Variants in NUCB1 observed in about 807,000 individuals in gnomAD.
The protein encoded by NUCB1 is nucleobindin 1.
Under a neutral mutation model 61.2 loss-of-function variants are expected in NUCB1, and 47 were observed. The ratio of observed to expected loss-of-function variants is 0.77; its 90% CI spans 0.61 to 0.98. The LOEUF (loss-of-function observed/expected upper bound fraction) is 0.98, where lower values mean the gene tolerates loss of function less well. Among genes scored for constraint, NUCB1 ranks in the 50% least tolerant of loss-of-function variants. The pLI is 0.00. For missense variants in NUCB1, 583 were observed against 605.3 expected, an observed-to-expected ratio of 0.96 and a Z score of 0.39; for synonymous variants, 234 against 243.1, an observed-to-expected ratio of 0.96 and a Z score of 0.35.
rs1207488410 is a variant in NUCB1, at chr19:48,910,968, T to G, written c.377-181T>G. On this transcript the variant is annotated intron_variant, in intron 4 of 12. Coordinates refer to ENST00000405315, the MANE Select transcript of NUCB1 (RefSeq NM_006184.6). ...TTAGTTTTTATTATGGTTATTATTGTAAGCATCAGACTCAGTCGTGGGATC... is the reference window on the plus strand; with the variant it reads ...TTAGTTTTTATTATGGTTATTATTGGAAGCATCAGACTCAGTCGTGGGATC... 4 of 552,864 alleles carry G rather than the reference T, an allele frequency of 7.2e-6. No homozygotes were observed. The African/African-American group carries it at 7.6e-5, about 11-fold the overall frequency. The allele number at this position is 552,864 out of a possible 1,614,324, so 34.2% of individuals were successfully genotyped here.
chr19:48,922,246 C>A, intron 12 of NUCB1, 72 bp from the exon 13 acceptor site: 1 of 1,272,266 alleles, frequency 7.9e-7, no homozygotes, highest in South Asian at 1.2e-5. Context: ...GGAGGAGGGG[C>A]TGGGCCTCTG....
At chr19:48,910,488 C>G (rs1374213060) in intron 4 of NUCB1, among the ~76,000 whole-genome samples, 2 of 151,690 alleles carry the variant, frequency 1.3e-5, no homozygotes, top group Non-Finnish European at 2.9e-5. Flanking sequence ...GAGTTCAAGA[C>G]CAGCCTGGCC....
At position 48,910,067 on chromosome 19, in the gene NUCB1, A is replaced by G. The variant is rs546879530; in HGVS notation, c.377-1082A>G. Reference sequence around the variant, plus strand: ...ATTTTGATGTTTTTCTTTTGTTTGTATGTATGTATTTATTTTATTTATTTA... The same window carrying G: ...ATTTTGATGTTTTTCTTTTGTTTGTGTGTATGTATTTATTTTATTTATTTA... On this transcript the variant is annotated intron_variant, in intron 4 of 12. Coordinates refer to ENST00000405315, the MANE Select transcript of NUCB1 (RefSeq NM_006184.6). 3.3e-5 allele frequency among the ~76,000 whole-genome samples: 5 copies of G among 151,926 alleles called. No individual in the cohort carries two copies. In the East Asian group the frequency reaches 7.8e-4, roughly 24 times the overall value.
intron 4 of NUCB1, among the ~76,000 whole-genome samples, chr19:48,908,695 G>GTGTGTGTGTC (rs1269071160): frequency 1.4e-5 from 2 of 138,398 alleles, no homozygotes; most frequent in African/African-American, 5.3e-5. Context: ...GTGTGTGTGT[G>GTGTGTGTGTC]TGTCTTTCTG....
Position 48,904,971 on chromosome 19 carries a change from G to A in NUCB1, c.243+517G>A, listed in dbSNP as rs560581591. Among the ~76,000 whole-genome samples the A allele has an allele frequency of 2.2e-4, 32 of 144,272 alleles. 1 individual carries two copies. The highest frequency in any genetic ancestry group is 1.8e-3 in the Admixed American group (26 of 14,690). 94.6% of individuals were successfully genotyped at this position (144,272 alleles called of 152,430 possible). A position where few individuals can be genotyped will look rare whatever the true frequency, so the allele number is the denominator to read the frequency against. On this transcript the variant is annotated intron_variant, in intron 3 of 12. Transcript: ENST00000405315. ...GAATACGTGTTTAGTGCAGAGTCCC[G>A]TGGGCAGGCTTTCAGTCGCAGCTCC...
In NUCB1 at chr19:48,918,793, C is replaced by T; in HGVS notation, c.816+9C>T. On this transcript the variant is annotated intron_variant, in intron 8 of 12. Transcript: ENST00000405315. Reference sequence around the variant, plus strand: ...CACTCTTCACCAAGGAGGTGAGCATCTTGGAAGCCTCGGGCACCTGGAGGG... The same window carrying T: ...CACTCTTCACCAAGGAGGTGAGCATTTTGGAAGCCTCGGGCACCTGGAGGG... The T allele has an allele frequency of 6.2e-7, 1 of 1,613,294 alleles. No homozygotes were observed. The highest frequency in any genetic ancestry group is 8.5e-7 in the Non-Finnish European group (1 of 1,179,268).
intron 4 of NUCB1, among the ~76,000 whole-genome samples, 162 bp downstream of exon 4, chr19:48,906,047 A>G (rs1263436671): frequency 6.6e-6 from 1 of 152,192 alleles, no homozygotes; most frequent in Non-Finnish European, 1.5e-5. Context: ...TCCTCCCAGC[A>G]TGATTTAATA....
intron 12 of NUCB1, 126 bp from the exon 13 acceptor site, chr19:48,922,192 G>A (rs2037618458): frequency 5.1e-6 from 4 of 785,878 alleles, no homozygotes; most frequent in Non-Finnish European, 8.5e-6. Context: ...TGGACCCCTG[G>A]GTGTGAGGGA....
chr19:48,907,106 C>G (rs2037420622), intron 4 of NUCB1, among the ~76,000 whole-genome samples: 1 of 151,498 alleles, frequency 6.6e-6, no homozygotes, highest in Non-Finnish European at 1.5e-5. Flanking sequence ...TCCCAAGTAG[C>G]TGGGACTACA....
rs144543972 is a variant in NUCB1, at chr19:48,913,246, C to T, written c.666+50C>T. 106 of 1,540,426 alleles carry T rather than the reference C, an allele frequency of 6.9e-5. No individual in the cohort carries two copies. In the African/African-American group the frequency reaches 9.8e-4, roughly 14 times the overall value. On this transcript the variant is annotated intron_variant, in intron 6 of 12. Transcript: ENST00000405315. ...CACTCCCTACCACATCCAGTTCAAA[C>T]GCAAGACAAGAAAGCAGTTAAAGAA...
chr19:48,909,281 C>T (rs1173383744), intron 4 of NUCB1, among the ~76,000 whole-genome samples: 2 of 148,828 alleles, frequency 1.3e-5, no homozygotes, highest in Non-Finnish European at 3.0e-5. Flanking sequence ...GAGTTTTGCT[C>T]TCGTTGCCCA....
intron 2 of NUCB1, among the ~76,000 whole-genome samples, chr19:48,903,862 A>ATGAG (rs2037382267): frequency 1.2e-4 from 2 of 16,520 alleles, no homozygotes; most frequent in African/African-American, 1.7e-4. Context: ...GGATGAGTGG[A>ATGAG]TGGATGGATG....
chr19:48,922,090 G>C (rs1225058079), intron 12 of NUCB1, among the ~76,000 whole-genome samples, 158 bp downstream of exon 12: 1 of 151,196 alleles, frequency 6.6e-6, no homozygotes, highest in Admixed American at 6.6e-5. Context: ...GGACTCCTGG[G>C]TCTGAGGGAG....
chr19:48,913,896 C>T (rs1281527856), intron 7 of NUCB1, among the ~76,000 whole-genome samples: 2 of 152,044 alleles, frequency 1.3e-5, no homozygotes, highest in South Asian at 2.1e-4. Flanking sequence ...GGAACCCTGT[C>T]GCTAGGAGTG....
rs1228796795 is a variant in NUCB1, at chr19:48,914,915, C to G, written c.757+1351C>G. On this transcript the variant is annotated intron_variant, in intron 7 of 12. Transcript: ENST00000405315. ...GGCCAACATGGTGAAACCCCATCTC[C>G]ACAAAAATACCAAAATTAGCTGGGC... Among the ~76,000 whole-genome samples, 3 of 149,456 alleles carry G rather than the reference C, an allele frequency of 2.0e-5. No individual in the cohort carries two copies. In the East Asian group the frequency reaches 6.0e-4, roughly 30 times the overall value.
chr19:48,912,986 G>C, intron 5 of NUCB1, 25 bp from the exon 6 acceptor site: 1 of 1,572,448 alleles, frequency 6.4e-7, no homozygotes, highest in South Asian at 1.2e-5. Flanking sequence ...GGGGCAGAGG[G>C]GAATGACCCT....
Position 48,904,339 on chromosome 19 carries a change from T to TG in NUCB1, c.136-7dup, listed in dbSNP as rs1186963673. On this transcript the variant is annotated splice_polypyrimidine_tract_variant and splice_region_variant and intron_variant, in intron 2 of 12. Transcript: ENST00000405315. ...CAGGGGCTGCTATGTCTGTCCTTGT[T>TG]GCCTCAGGACACAGGCCTGTACTAC... is the stretch of plus-strand genomic sequence containing the variant. 6.3e-7 allele frequency: 1 copy of TG among 1,580,146 alleles called. No individual in the cohort carries two copies. Among genetic ancestry groups the TG allele is most frequent in the South Asian group, 1.1e-5 (1 of 90,390 alleles).
chr19:48,905,315 A>G (rs1334049507), intron 3 of NUCB1, among the ~76,000 whole-genome samples: 2 of 152,114 alleles, frequency 1.3e-5, no homozygotes, highest in African/African-American at 4.8e-5. Context: ...GAGCACCATC[A>G]TTGTCCCCAT....
At chr19:48,918,427 CTG>C (rs2037564807) in intron 7 of NUCB1, 3 of 346,396 alleles carry the variant, frequency 8.7e-6, no homozygotes, top group Non-Finnish European at 1.6e-5. Flanking sequence ...GGAGCTGACT[CTG>C]TGTCCAGAGC....
Sources: allele counts gnomAD v4.1 joint callset (sites outside exome capture counted in the v4.1 genomes callset), GRCh38; gene constraint gnomAD v4.1.1; transcripts MANE v1.5; gene names NCBI Gene and HGNC (gene_info 2026-07-23, HGNC 2026-07-21).